Variants in AGBL1 observed in about 807,000 individuals in gnomAD.
The protein encoded by AGBL1 is AGBL carboxypeptidase 1.
A neutral mutation model predicts 118.9 loss-of-function variants in AGBL1; 130 were observed. The ratio of observed to expected loss-of-function variants is 1.09; its 90% CI spans 0.95 to 1.26. The LOEUF (loss-of-function observed/expected upper bound fraction) is 1.26, where lower values mean the gene tolerates loss of function less well. AGBL1 is among the 50% of genes most tolerant of loss of function. AGBL1 has a pLI of 0.00. For synonymous variants in AGBL1, 555 were observed against 478.9 expected, an observed-to-expected ratio of 1.16 and a Z score of -2.08; for missense variants, 1,584 against 1,298.1, an observed-to-expected ratio of 1.22 and a Z score of -3.38.
intron 5 of AGBL1, among the ~76,000 whole-genome samples, chr15:86,167,450 T>TG (rs1461219878): frequency 5.9e-5 from 9 of 152,272 alleles, no homozygotes; most frequent in African/African-American, 1.9e-4. Flanking sequence ...TTCACCATGT[T>TG]GGCCAGGCTG....
At chr15:86,304,595 A>C (rs1453136513) in intron 17 of AGBL1, among the ~76,000 whole-genome samples, 4 of 152,192 alleles carry the variant, frequency 2.6e-5, no homozygotes, top group African/African-American at 9.6e-5. Context: ...TTCAACAAGT[A>C]AGTGAAATCC....
intron 17 of AGBL1, among the ~76,000 whole-genome samples, chr15:86,388,577 C>T (rs377764150): frequency 3.3e-5 from 5 of 152,054 alleles, no homozygotes; most frequent in South Asian, 2.1e-4. Flanking sequence ...AGAGGCAGAA[C>T]GAGATCTCAA....
At chr15:86,814,753 A>T (rs945237027) in intron 22 of AGBL1, among the ~76,000 whole-genome samples, 3 of 152,136 alleles carry the variant, frequency 2.0e-5, no homozygotes, top group Non-Finnish European at 4.4e-5. Flanking sequence ...GTAGCCCAAC[A>T]CTCACCAAAG....
chr15:86,755,437 C>G (rs1440006297), intron 22 of AGBL1, among the ~76,000 whole-genome samples: 2 of 152,072 alleles, frequency 1.3e-5, no homozygotes, highest in Non-Finnish European at 2.9e-5. Context: ...AAAAGCACAG[C>G]TAAAGTTAAA....
rs189172712 is a variant in AGBL1, at chr15:86,491,069, A to G, written c.2556-31741A>G. ...ATTTCTCCTTAAGTGGCTAGGGTGA[A>G]TTGAGAAGTCAGACACATATAAGAA... is the stretch of plus-strand genomic sequence containing the variant. On this transcript the variant is annotated intron_variant, in intron 18 of 22. Coordinates refer to ENST00000614907, the MANE Select transcript of AGBL1 (RefSeq NM_001386094.1). 3.7e-3 allele frequency among the ~76,000 whole-genome samples: 558 copies of G among 152,232 alleles called. 4 individuals carry two copies. Among genetic ancestry groups the G allele is most frequent in the African/African-American group, 0.013 (533 of 41,548 alleles).
intron 22 of AGBL1, among the ~76,000 whole-genome samples, chr15:86,778,484 C>A (rs2141302295): frequency 6.6e-6 from 1 of 152,184 alleles, no homozygotes; most frequent in South Asian, 2.1e-4. Flanking sequence ...CCCGAAGCGG[C>A]CATTTCAGAG....
chr15:86,619,136 G>A (rs890502503), intron 21 of AGBL1, among the ~76,000 whole-genome samples: 1 of 151,904 alleles, frequency 6.6e-6, no homozygotes, highest in Admixed American at 6.6e-5. Flanking sequence ...TATATATCAA[G>A]TGCCTGCTAT....
intron 5 of AGBL1, among the ~76,000 whole-genome samples, chr15:86,189,886 A>G (rs1341198588): frequency 6.6e-6 from 1 of 152,212 alleles, no homozygotes; most frequent in Non-Finnish European, 1.5e-5. Context: ...TGACATTACC[A>G]TGCTGGACTG....
intron 9 of AGBL1, among the ~76,000 whole-genome samples, chr15:86,258,783 T>C (rs891457205): frequency 6.6e-6 from 1 of 152,136 alleles, no homozygotes; most frequent in Non-Finnish European, 1.5e-5. Flanking sequence ...CTTGGCTCAC[T>C]GCAACCTCCA....
chr15:86,230,985 C>G (rs1449495092), intron 6 of AGBL1, among the ~76,000 whole-genome samples: 1 of 152,158 alleles, frequency 6.6e-6, no homozygotes, highest in Non-Finnish European at 1.5e-5. Context: ...CAGGAGGAAA[C>G]TGAGGACCAG....
intron 22 of AGBL1, among the ~76,000 whole-genome samples, chr15:86,873,050 A>C (rs576021344): frequency 6.6e-6 from 1 of 152,146 alleles, no homozygotes; most frequent in Non-Finnish European, 1.5e-5. Flanking sequence ...TTCAGCTCCA[A>C]TTTGCTGCCA....
chr15:86,804,066 T>C (rs2141354270), intron 22 of AGBL1, among the ~76,000 whole-genome samples: 1 of 152,096 alleles, frequency 6.6e-6, no homozygotes, highest in Non-Finnish European at 1.5e-5. Context: ...AACCAACCCC[T>C]AAGAAAGCCA....
chr15:86,361,006 C>A (rs191236795), intron 17 of AGBL1, among the ~76,000 whole-genome samples: 193 of 150,684 alleles, frequency 1.3e-3, no homozygotes, highest in Middle Eastern at 6.9e-3. Flanking sequence ...ATTTTCTTTC[C>A]TCTGCTAATT....
chr15:86,177,529 T>G (rs1407457755), intron 5 of AGBL1, among the ~76,000 whole-genome samples: 1 of 152,224 alleles, frequency 6.6e-6, no homozygotes, highest in Non-Finnish European at 1.5e-5. Context: ...TTTACAAAGA[T>G]AGATAATATT....
At chr15:86,951,960 C>T (rs1355278956) in intron 23 of AGBL1, among the ~76,000 whole-genome samples, 8 of 152,092 alleles carry the variant, frequency 5.3e-5, no homozygotes, top group African/African-American at 1.4e-4. Context: ...TGGCTGGGCA[C>T]GGTGGCTCAC....
intron 18 of AGBL1, among the ~76,000 whole-genome samples, chr15:86,469,189 G>A (rs563937639): frequency 1.8e-4 from 27 of 152,204 alleles, no homozygotes; most frequent in Admixed American, 3.3e-4. Context: ...TACTCATACT[G>A]TCTAACTGAA....
At chr15:86,949,374 C>T (rs539519430) in intron 23 of AGBL1, among the ~76,000 whole-genome samples, 1 of 152,064 alleles carries the variant, frequency 6.6e-6, no homozygotes, top group African/African-American at 2.4e-5. Context: ...TGCCCATGTC[C>T]TGTAACTGCT....
intron 21 of AGBL1, among the ~76,000 whole-genome samples, chr15:86,641,433 G>A (rs2085189122): frequency 6.6e-6 from 1 of 151,688 alleles, no homozygotes; most frequent in Admixed American, 6.6e-5. Flanking sequence ...AGCAGTGCCG[G>A]TAGTTACCTG....
At chr15:86,840,531 C>T (rs925265003) in intron 22 of AGBL1, among the ~76,000 whole-genome samples, 3 of 152,152 alleles carry the variant, frequency 2.0e-5, no homozygotes, top group East Asian at 1.9e-4. Flanking sequence ...CTGCAACCTC[C>T]GCCTCCGTGG....
Sources: allele counts gnomAD v4.1 joint callset (sites outside exome capture counted in the v4.1 genomes callset), GRCh38; gene constraint gnomAD v4.1.1; transcripts MANE v1.5; gene names NCBI Gene and HGNC (gene_info 2026-07-23, HGNC 2026-07-21).